The following ZCCHC17 variants were observed in gnomAD, a reference collection of about 807,000 sequenced individuals.
ZCCHC17 encodes the protein zinc finger CCHC-type containing 17.
ZCCHC17 carries 18 observed loss-of-function variants against 30.6 expected under a neutral mutation model. That is an observed-to-expected ratio of 0.59 (90% CI 0.41 to 0.87). The LOEUF is 0.87. Among genes scored for constraint, ZCCHC17 ranks in the 40% least tolerant of loss-of-function variants. The pLI is 0.00. For missense variants in ZCCHC17, 263 were observed against 284.2 expected (o/e 0.93, Z 0.54); for synonymous variants, 88 against 92.4 (o/e 0.95, Z 0.27).
intron 3 of ZCCHC17, among the ~76,000 whole-genome samples, chr1:31,336,376 A>G (rs972917213): frequency 6.6e-6 from 1 of 152,254 alleles, no homozygotes; most frequent in African/African-American, 2.4e-5. Flanking sequence ...CTTGCATCAA[A>G]GATAAACATC....
At chr1:31,325,452 G>C (rs1638298290) in intron 3 of ZCCHC17, among the ~76,000 whole-genome samples, 2 of 152,192 alleles carry the variant, frequency 1.3e-5, no homozygotes, top group Non-Finnish European at 2.9e-5. Context: ...GCACCACCAT[G>C]TTCCCCAGAG....
intron 7 of ZCCHC17, among the ~76,000 whole-genome samples, chr1:31,352,358 C>G (rs1185806699): frequency 3.3e-5 from 5 of 152,164 alleles, no homozygotes; most frequent in Non-Finnish European, 7.3e-5. Flanking sequence ...TACTTTCTGT[C>G]TTGAAACCAT....
At chr1:31,325,483 T>C (rs183617532) in intron 3 of ZCCHC17, among the ~76,000 whole-genome samples, 16 of 152,290 alleles carry the variant, frequency 1.1e-4, no homozygotes, top group African/African-American at 3.4e-4. Context: ...AAGCCGCTTG[T>C]GGTATGCCTG....
chr1:31,345,153 TG>T (rs1639196391), intron 5 of ZCCHC17, among the ~76,000 whole-genome samples: 1 of 60,620 alleles, frequency 1.6e-5, no homozygotes, highest in Non-Finnish European at 8.2e-5. Flanking sequence ...ATGTTCTGTT[TG>T]TTTGTTTGTT....
At position 31,309,831 on chromosome 1, in the gene ZCCHC17, C is replaced by T. The variant is rs1316755494; in HGVS notation, c.-55-213C>T. 2.0e-5 allele frequency among the ~76,000 whole-genome samples: 3 copies of T among 151,554 alleles called. No homozygotes were observed. The South Asian group carries it at 6.2e-4, about 31-fold the overall frequency. On this transcript the variant is annotated intron_variant, in intron 1 of 7. Coordinates refer to ENST00000344147, the MANE Select transcript of ZCCHC17 (RefSeq NM_016505.4). ...AAACCAAACACAACAAAATTAGTAG[C>T]CTAATGGCCTTGGGTAAGTAACAAA...
intron 2 of ZCCHC17, among the ~76,000 whole-genome samples, 196 bp from the exon 3 acceptor site, chr1:31,318,913 T>C (rs1490534802): frequency 1.3e-5 from 2 of 152,166 alleles, no homozygotes; most frequent in Non-Finnish European, 2.9e-5. Context: ...GTGTTTTTAA[T>C]GTGTACACAC....
At chr1:31,310,260 T>A in intron 2 of ZCCHC17, 96 bp downstream of exon 2, 1 of 1,282,154 alleles carries the variant, frequency 7.8e-7, no homozygotes. Flanking sequence ...AAGTCTGTCT[T>A]GAGCATTACA....
At position 31,310,128 on chromosome 1, in the gene ZCCHC17, A is replaced by G. The variant is rs1646563639; in HGVS notation, c.30A>G (p.Glu10=). MNSGRPETM[E]NLPALYTIFQ... Reference sequence around the variant, plus strand: ...ATTCAGGAAGGCCTGAGACCATGGAAAACTTGCCTGCTCTCTACACTATTT... The same window carrying G: ...ATTCAGGAAGGCCTGAGACCATGGAGAACTTGCCTGCTCTCTACACTATTT... Residue 10 remains glutamate, a synonymous_variant, in exon 2 of 8, where the codon GAA becomes GAG. Coordinates refer to ENST00000344147, the MANE Select transcript of ZCCHC17 (RefSeq NM_016505.4). The G allele has an allele frequency of 5.0e-6, 8 of 1,614,008 alleles. No homozygotes were observed. The highest frequency in any genetic ancestry group is 6.8e-6 in the Non-Finnish European group (8 of 1,180,018).
At chr1:31,297,797 G>T (rs1379629889) in intron 1 of ZCCHC17, among the ~76,000 whole-genome samples, 2 of 152,240 alleles carry the variant, frequency 1.3e-5, no homozygotes, top group African/African-American at 2.4e-5. Context: ...ATTAGGTGAA[G>T]AAGTGAAGGC....
rs112496164 is a variant in ZCCHC17, at chr1:31,338,025, A to G, written c.225+750A>G. On this transcript the variant is annotated intron_variant, in intron 4 of 7. Coordinates refer to ENST00000344147, the MANE Select transcript of ZCCHC17 (RefSeq NM_016505.4). ...CTCTTTGTCACCCAGGCTGGAGTACAGTGGTGCCATCACGGCTCACTGCAA... is the reference window on the plus strand; with the variant it reads ...CTCTTTGTCACCCAGGCTGGAGTACGGTGGTGCCATCACGGCTCACTGCAA... 1.3e-3 allele frequency among the ~76,000 whole-genome samples: 203 copies of G among 152,040 alleles called. 1 individual carries two copies. Among genetic ancestry groups the G allele is most frequent in the African/African-American group, 4.8e-3 (198 of 41,454 alleles).
intron 1 of ZCCHC17, among the ~76,000 whole-genome samples, chr1:31,299,478 T>G (rs2148399651): frequency 6.6e-6 from 1 of 152,266 alleles, no homozygotes; most frequent in Admixed American, 6.5e-5. Context: ...CTAAAAACCA[T>G]TTTCTTGACT....
rs60109193 is a variant in ZCCHC17, at chr1:31,345,938, G to A, written c.318-702G>A. 5.8e-3 allele frequency among the ~76,000 whole-genome samples: 879 copies of A among 152,096 alleles called. 70 individuals are homozygous for A. The East Asian group carries it at 0.14, about 25-fold the overall frequency. Reference sequence around the variant, plus strand: ...GTAACATGAGATTTTTGTGTGTGGGGGAACACAGAGCCAAATCACATCAAC... The same window carrying A: ...GTAACATGAGATTTTTGTGTGTGGGAGAACACAGAGCCAAATCACATCAAC... On this transcript the variant is annotated intron_variant, in intron 5 of 7. Transcript: ENST00000344147.
intron 1 of ZCCHC17, among the ~76,000 whole-genome samples, chr1:31,303,887 C>G (rs1156826141): frequency 6.6e-6 from 1 of 152,210 alleles, no homozygotes; most frequent in Non-Finnish European, 1.5e-5. Context: ...TCTGACTACC[C>G]ATTCTGGGCT....
intron 7 of ZCCHC17, among the ~76,000 whole-genome samples, chr1:31,351,624 T>C (rs1325673075): frequency 1.3e-5 from 2 of 152,036 alleles, no homozygotes; most frequent in Non-Finnish European, 2.9e-5. Flanking sequence ...CGGACTGTGG[T>C]CTCAGCTACT....
At chr1:31,306,950 G>T (rs1646475804) in intron 1 of ZCCHC17, among the ~76,000 whole-genome samples, 1 of 152,100 alleles carries the variant, frequency 6.6e-6, no homozygotes, top group Non-Finnish European at 1.5e-5. Flanking sequence ...CAATTCTCCT[G>T]CCTCAGCCTC....
chr1:31,362,079 G>A (rs1639927637), intron 7 of ZCCHC17, among the ~76,000 whole-genome samples: 1 of 152,110 alleles, frequency 6.6e-6, no homozygotes. Context: ...CAGAGTGCTG[G>A]GATTACAGGC....
chr1:31,331,259 G>C (rs1020023803), intron 3 of ZCCHC17, among the ~76,000 whole-genome samples: 2 of 151,934 alleles, frequency 1.3e-5, no homozygotes, highest in Non-Finnish European at 2.9e-5. Flanking sequence ...CTGTGCCTCA[G>C]CCTCCCTAGT....
chr1:31,350,043 A>G (rs1639414428), intron 7 of ZCCHC17, among the ~76,000 whole-genome samples: 1 of 152,190 alleles, frequency 6.6e-6, no homozygotes, highest in African/African-American at 2.4e-5. Context: ...TCCATCTCCT[A>G]TATCTACTAT....
intron 2 of ZCCHC17, among the ~76,000 whole-genome samples, chr1:31,316,153 G>A (rs1008721531): frequency 6.6e-6 from 1 of 152,166 alleles, no homozygotes; most frequent in African/African-American, 2.4e-5. Flanking sequence ...CCAGGCTGGA[G>A]TGCAGTAGCA....
Sources: allele counts gnomAD v4.1 joint callset (sites outside exome capture counted in the v4.1 genomes callset), GRCh38; gene constraint gnomAD v4.1.1; transcripts MANE v1.5; gene names NCBI Gene and HGNC (gene_info 2026-07-23, HGNC 2026-07-21).